FSTL5: variants seen among roughly 807,000 people sequenced by gnomAD.
FSTL5 encodes follistatin like 5.
In FSTL5, 62 loss-of-function variants were observed where a neutral mutation model predicts 89.1. The observed-to-expected ratio is 0.70, with a 90% CI of 0.57 to 0.86. The LOEUF (loss-of-function observed/expected upper bound fraction) is 0.86. Ranked by LOEUF, FSTL5 falls within the 40% of genes least tolerant of loss-of-function variation. FSTL5 has a pLI of 0.00. For synonymous variants in FSTL5, 383 were observed against 346.2 expected (o/e 1.11, Z -1.18); for missense variants, 1,057 against 1,001.6 (o/e 1.06, Z -0.75).
intron 6 of FSTL5, among the ~76,000 whole-genome samples, chr4:161,728,416 T>C (rs927638068): frequency 1.3e-5 from 2 of 152,128 alleles, no homozygotes; most frequent in Non-Finnish European, 2.9e-5. Flanking sequence ...AAAAAGATAT[T>C]AAGGGCTGTG....
chr4:161,899,347 G>C (rs1733276689), intron 4 of FSTL5, among the ~76,000 whole-genome samples: 1 of 152,134 alleles, frequency 6.6e-6, no homozygotes, highest in African/African-American at 2.4e-5. Flanking sequence ...ATATTATATA[G>C]GCCCTAGTGC....
chr4:161,543,335 A>G (rs1186609138), intron 8 of FSTL5, among the ~76,000 whole-genome samples: 1 of 152,038 alleles, frequency 6.6e-6, no homozygotes, highest in Non-Finnish European at 1.5e-5. Context: ...ATTGATTGGT[A>G]ACATGGTACA....
intron 3 of FSTL5, among the ~76,000 whole-genome samples, chr4:161,993,062 A>T (rs1242218211): frequency 1.3e-5 from 2 of 150,212 alleles, no homozygotes; most frequent in Non-Finnish European, 3.0e-5. Flanking sequence ...TTAACAAATG[A>T]TGCCTTATTT....
chr4:161,940,124 C>T (rs1344866359), intron 3 of FSTL5, among the ~76,000 whole-genome samples: 2 of 151,744 alleles, frequency 1.3e-5, no homozygotes, highest in East Asian at 3.9e-4. Context: ...AAAATTCTAT[C>T]CTCTAATAAA....
At chr4:161,641,916 T>C (rs1735981185) in intron 7 of FSTL5, among the ~76,000 whole-genome samples, 1 of 152,078 alleles carries the variant, frequency 6.6e-6, no homozygotes, top group Admixed American at 6.6e-5. Context: ...AAATATCAAC[T>C]ACCCACAAAG....
intron 15 of FSTL5, among the ~76,000 whole-genome samples, chr4:161,443,904 G>A (rs1732860012): frequency 6.6e-6 from 1 of 151,920 alleles, no homozygotes; most frequent in Non-Finnish European, 1.5e-5. Context: ...ATATAAGGCT[G>A]CTGAAGGAGG....
At chr4:161,803,848 C>T (rs936489909) in intron 4 of FSTL5, among the ~76,000 whole-genome samples, 2 of 152,026 alleles carry the variant, frequency 1.3e-5, no homozygotes, top group Non-Finnish European at 2.9e-5. Context: ...GTGTCACAAA[C>T]AGGGCCACTG....
At chr4:161,671,071 A>G (rs1410759670) in intron 6 of FSTL5, among the ~76,000 whole-genome samples, 2 of 152,196 alleles carry the variant, frequency 1.3e-5, no homozygotes, top group Non-Finnish European at 2.9e-5. Flanking sequence ...CTAATCAGCT[A>G]ATGAATTGCC....
intron 4 of FSTL5, among the ~76,000 whole-genome samples, chr4:161,829,604 A>T (rs77618335): frequency 0.023 from 3,472 of 152,206 alleles, 56 homozygotes; most frequent in Non-Finnish European, 0.035. Flanking sequence ...GCCATCAAAT[A>T]GCAAACACTT....
At chr4:161,880,129 G>C (rs1213072967) in intron 4 of FSTL5, among the ~76,000 whole-genome samples, 1 of 151,950 alleles carries the variant, frequency 6.6e-6, no homozygotes, top group Non-Finnish European at 1.5e-5. Context: ...GGCTAGGTGT[G>C]GGGGAGAAAA....
chr4:161,926,068 A>G (rs1227041212), intron 3 of FSTL5, among the ~76,000 whole-genome samples: 1 of 151,920 alleles, frequency 6.6e-6, no homozygotes, highest in Non-Finnish European at 1.5e-5. Context: ...CACACTGTAA[A>G]TTCTAACAAA....
rs1738560582 is a variant in FSTL5, at chr4:161,705,968, A to ATGTG, written c.728-49475_728-49474insCACA. Among the ~76,000 whole-genome samples, 124 of 81,978 alleles carry ATGTG rather than the reference A, an allele frequency of 1.5e-3. 12 individuals are homozygous for ATGTG. Among genetic ancestry groups the ATGTG allele is most frequent in the Admixed American group, 0.014 (124 of 8,658 alleles). The allele number at this position is 81,978 out of a possible 152,430, so 53.8% of individuals were successfully genotyped here. A position where few individuals can be genotyped will look rare whatever the true frequency, so the allele number is the denominator to read the frequency against. ...TAGATGTGTGTATATATATATATAT[A>ATGTG]TATATATATATATATATATATATAT... On this transcript the variant is annotated intron_variant, in intron 6 of 15. Coordinates refer to ENST00000306100, the MANE Select transcript of FSTL5 (RefSeq NM_020116.5).
chr4:161,778,089 G>A (rs1003529414), intron 4 of FSTL5, among the ~76,000 whole-genome samples: 12 of 90,978 alleles, frequency 1.3e-4, no homozygotes, highest in Non-Finnish European at 2.1e-4. Context: ...GTGAGACTCC[G>A]TATCACACAC....
intron 2 of FSTL5, among the ~76,000 whole-genome samples, chr4:162,065,351 T>C (rs913130333): frequency 2.6e-5 from 4 of 151,780 alleles, no homozygotes; most frequent in African/African-American, 4.8e-5. Flanking sequence ...CAAAACTCAA[T>C]AGCAAAAAAG....
intron 6 of FSTL5, among the ~76,000 whole-genome samples, chr4:161,667,535 T>C (rs778547208): frequency 1.1e-4 from 16 of 152,068 alleles, no homozygotes; most frequent in Non-Finnish European, 2.1e-4. Context: ...TTGCAAGACT[T>C]GTTATATTAA....
chr4:162,047,743 T>G (rs1225130890), intron 2 of FSTL5, among the ~76,000 whole-genome samples: 1 of 151,864 alleles, frequency 6.6e-6, no homozygotes, highest in Admixed American at 6.6e-5. Context: ...GAGAATTGCT[T>G]GAACCTGGGA....
chr4:161,638,088 A>G (rs1381575496), intron 7 of FSTL5, among the ~76,000 whole-genome samples: 1 of 149,820 alleles, frequency 6.7e-6, no homozygotes, highest in Non-Finnish European at 1.5e-5. Flanking sequence ...GATTCTTCCT[A>G]CCCATGAGCA....
chr4:161,545,913 A>C (rs1347040174), intron 8 of FSTL5, among the ~76,000 whole-genome samples: 1 of 152,004 alleles, frequency 6.6e-6, no homozygotes, highest in East Asian at 1.9e-4. Context: ...ACCAATAAAA[A>C]TAAAAACAAC....
rs546148507 is a variant in FSTL5 at position 162,152,985 on chromosome 4, C to T, written c.-17+10630G>A. The stretch of plus-strand genomic sequence containing the variant: ...TAATTACTTTTTTCATGATATGTGC[C>T]TTCCGGTTTTTGCCAACAATTTGTC... On this transcript the variant is annotated intron_variant, in intron 1 of 15. Transcript: ENST00000306100. Among the ~76,000 whole-genome samples, 3 of 152,106 alleles carry T rather than the reference C, an allele frequency of 2.0e-5. No homozygotes were observed. In the South Asian group the frequency reaches 6.2e-4, roughly 32 times the overall value.
Sources: gnomAD v4.1 joint callset for allele counts (sites outside exome capture counted in the v4.1 genomes callset) on GRCh38, gnomAD v4.1.1 for gene constraint, MANE v1.5 for transcripts, NCBI Gene and HGNC (gene_info 2026-07-23, HGNC 2026-07-21) for gene names.